LMO7: variants seen among roughly 807,000 people sequenced by gnomAD.
LMO7 encodes LIM domain 7.
In LMO7, 120 loss-of-function variants were observed where a neutral mutation model predicts 206.5. The ratio of observed to expected loss-of-function variants is 0.58; its 90% CI spans 0.50 to 0.68. The LOEUF (loss-of-function observed/expected upper bound fraction) is 0.68, where lower values mean the gene tolerates loss of function less well. Ranked by LOEUF, LMO7 falls within the 30% of genes least tolerant of loss-of-function variation. The probability of loss-of-function intolerance (pLI) is 0.00; values close to 1 mark genes in which losing one functional copy is unlikely to be tolerated. For missense variants in LMO7, 1,959 were observed against 1,957.9 expected, an observed-to-expected ratio of 1.00 and a Z score of -0.01; for synonymous variants, 706 against 681.5, an observed-to-expected ratio of 1.04 and a Z score of -0.56.
intron 1 of LMO7, among the ~76,000 whole-genome samples, chr13:75,674,063 C>T (rs553553913): frequency 1.3e-5 from 2 of 152,254 alleles, no homozygotes; most frequent in African/African-American, 4.8e-5. Context: ...AAAACTTTCT[C>T]TCAAAGTGGT....
At chr13:75,727,281 C>T (rs968177153) in intron 3 of LMO7, among the ~76,000 whole-genome samples, 183 bp downstream of exon 3, 3 of 151,754 alleles carry the variant, frequency 2.0e-5, no homozygotes, top group African/African-American at 7.3e-5. Context: ...TTCCCTTTTG[C>T]CTGGAGGCTT....
intron 2 of LMO7, among the ~76,000 whole-genome samples, chr13:75,630,852 C>T (rs1023309077): frequency 3.9e-5 from 6 of 151,992 alleles, no homozygotes; most frequent in Non-Finnish European, 7.4e-5. Flanking sequence ...GATGGAGTTT[C>T]GCCATGTTGG....
In LMO7 at chr13:75,817,746, T is replaced by C. The variant is rs118008885; in HGVS notation, c.2064+468T>C. On this transcript the variant is annotated intron_variant, in intron 12 of 30. Coordinates refer to ENST00000377534, the MANE Select transcript of LMO7 (RefSeq NM_001306080.2). ...GAGAATTGGGGAGAAATAAGTAATA[T>C]AACTCAGAGCAATATTTTGGCTGAA... Among the ~76,000 whole-genome samples, 3 of 152,328 alleles carry C rather than the reference T, an allele frequency of 2.0e-5. No individual in the cohort carries two copies. The East Asian group carries it at 5.8e-4, about 29-fold the overall frequency.
rs150496795 is a variant in LMO7, at chr13:75,819,483, C to G, written c.2155C>G (p.Leu719Val). ...EEREEIEKQALEKSKRSSKTF... is the reference protein window; with the variant it reads ...EEREEIEKQAVEKSKRSSKTF... ...GAGAGAAGAAATTGAAAAGCAGGCA[C>G]TTGAGAAGTCTAAGAGAAGCTCTAA... is the stretch of plus-strand genomic sequence containing the variant. Residue 719 changes from leucine to valine, a missense_variant, in exon 13 of 31, where the codon CTT becomes GTT. Coordinates refer to ENST00000377534, the MANE Select transcript of LMO7 (RefSeq NM_001306080.2). 1.2e-6 allele frequency: 2 copies of G among 1,613,118 alleles called. No homozygotes were observed. Among genetic ancestry groups the G allele is most frequent in the Middle Eastern group, 1.6e-4 (1 of 6,072 alleles).
At chr13:75,673,410 C>A (rs2039754042) in intron 1 of LMO7, among the ~76,000 whole-genome samples, 1 of 152,138 alleles carries the variant, frequency 6.6e-6, no homozygotes, top group Non-Finnish European at 1.5e-5. Flanking sequence ...AGAGCTATTG[C>A]CTTGCCGGTA....
intron 11 of LMO7, among the ~76,000 whole-genome samples, chr13:75,810,016 G>C (rs2056135866): frequency 6.6e-6 from 1 of 151,986 alleles, no homozygotes; most frequent in Admixed American, 6.6e-5. Context: ...ATTTTTAGTA[G>C]AGACGGGGTT....
At chr13:75,849,825 C>A (rs1321275476) in intron 27 of LMO7, among the ~76,000 whole-genome samples, 1 of 152,046 alleles carries the variant, frequency 6.6e-6, no homozygotes, top group Non-Finnish European at 1.5e-5. Context: ...AAAGATGTAT[C>A]TTGGGTAAAT....
At chr13:75,833,883 T>G (rs907538728) in intron 16 of LMO7, among the ~76,000 whole-genome samples, 2 of 152,180 alleles carry the variant, frequency 1.3e-5, no homozygotes, top group Non-Finnish European at 2.9e-5. Flanking sequence ...AGAATGTATC[T>G]GAATTGGAAG....
chr13:75,839,961 AC>A (rs2059441217), intron 20 of LMO7, 123 bp from the exon 21 acceptor site: 1 of 831,672 alleles, frequency 1.2e-6, no homozygotes, highest in Admixed American at 2.2e-5. Context: ...GTTTAAAAAA[AC>A]ATTGTCACTT....
chr13:75,663,969 C>G (rs984617237), intron 1 of LMO7, among the ~76,000 whole-genome samples: 2 of 152,050 alleles, frequency 1.3e-5, no homozygotes, highest in African/African-American at 4.8e-5. Flanking sequence ...AAGCATTTAT[C>G]CTTTGTGTTA....
chr13:75,829,814 G>A (rs746072578), intron 15 of LMO7, among the ~76,000 whole-genome samples: 12 of 152,164 alleles, frequency 7.9e-5, no homozygotes, highest in Admixed American at 5.2e-4. Context: ...GCTTAAAAAT[G>A]TAGAGTCTTG....
At chr13:75,672,904 A>C (rs2039710724) in intron 1 of LMO7, among the ~76,000 whole-genome samples, 1 of 145,752 alleles carries the variant, frequency 6.9e-6, no homozygotes, top group African/African-American at 2.5e-5. Flanking sequence ...CTCTTTGCCT[A>C]ATAGGTGACT....
intron 3 of LMO7, among the ~76,000 whole-genome samples, chr13:75,744,070 C>T (rs552904768): frequency 5.9e-5 from 9 of 152,036 alleles, no homozygotes; most frequent in African/African-American, 1.7e-4. Context: ...TGCCTTAACC[C>T]GTCATGTAAA....
chr13:75,855,092 T>A (rs1236678170), intron 28 of LMO7, 168 bp from the exon 29 acceptor site: 2 of 535,346 alleles, frequency 3.7e-6, no homozygotes, highest in Admixed American at 6.4e-5. Context: ...AAAGTTAGAG[T>A]ATAATCAAGG....
At chr13:75,641,158 C>T (rs112416075) in intron 1 of LMO7, among the ~76,000 whole-genome samples, 4 of 152,300 alleles carry the variant, frequency 2.6e-5, no homozygotes, top group African/African-American at 9.6e-5. Context: ...TCCGGTGCAT[C>T]GTGATGGCAT....
At chr13:75,698,304 A>G (rs2042038385) in intron 1 of LMO7, among the ~76,000 whole-genome samples, 1 of 149,854 alleles carries the variant, frequency 6.7e-6, no homozygotes, top group African/African-American at 2.4e-5. Context: ...AATATAATAT[A>G]CTTATATATT....
chr13:75,705,084 C>T (rs922765867), intron 1 of LMO7, among the ~76,000 whole-genome samples: 2 of 152,148 alleles, frequency 1.3e-5, no homozygotes, highest in South Asian at 2.1e-4. Context: ...AATATGCCCT[C>T]GGGAGGCCGC....
At chr13:75,626,923 A>G (rs1247103678) in intron 2 of LMO7, 2 of 152,006 alleles carry the variant, frequency 1.3e-5, no homozygotes, top group East Asian at 3.9e-4. Flanking sequence ...ATTGTTGACC[A>G]TAGGTATTAT....
chr13:75,826,798 C>G (rs920967549), intron 15 of LMO7, among the ~76,000 whole-genome samples: 26 of 152,124 alleles, frequency 1.7e-4, no homozygotes, highest in African/African-American at 6.0e-4. Context: ...GGATTTGAAC[C>G]CAGGCAGTCT....
Sources: allele counts gnomAD v4.1 joint callset (sites outside exome capture counted in the v4.1 genomes callset), GRCh38; gene constraint gnomAD v4.1.1; transcripts MANE v1.5; gene names NCBI Gene and HGNC (gene_info 2026-07-23, HGNC 2026-07-21).